The following MYPN variants were observed in gnomAD, a reference collection of about 807,000 sequenced individuals.
MYPN encodes the protein myopalladin.
In MYPN, 63 loss-of-function variants were observed where a neutral mutation model predicts 129.4. The observed-to-expected ratio is 0.49, with a 90% confidence interval of 0.40 to 0.60. The LOEUF (loss-of-function observed/expected upper bound fraction) is 0.60. Ranked by LOEUF, MYPN falls within the 20% of genes least tolerant of loss-of-function variation. The probability of loss-of-function intolerance (pLI) is 0.00; values close to 1 mark genes in which losing one functional copy is unlikely to be tolerated. For synonymous variants in MYPN, 629 were observed against 600.9 expected (o/e 1.05, Z -0.68); for missense variants, 1,596 against 1,635.4 (o/e 0.98, Z 0.42).
intron 12 of MYPN, 74 bp from the exon 13 acceptor site, chr10:68,188,831 G>A: frequency 8.1e-7 from 1 of 1,237,032 alleles, no homozygotes; most frequent in Non-Finnish European, 1.2e-6. Flanking sequence ...TTAAAAAGTG[G>A]CTTCCTCAAT....
At chr10:68,143,232 C>A in intron 3 of MYPN, 117 bp downstream of exon 3, 1 of 968,086 alleles carries the variant, frequency 1.0e-6, no homozygotes, top group Non-Finnish European at 1.6e-6. Context: ...GAGGATACAG[C>A]AGTGAACCGA....
intron 6 of MYPN, among the ~76,000 whole-genome samples, chr10:68,153,954 G>A (rs1247110158): frequency 1.3e-5 from 2 of 151,718 alleles, no homozygotes; most frequent in Admixed American, 6.6e-5. Flanking sequence ...CGCTTAGCGA[G>A]CAGAGTTTTA....
intron 12 of MYPN, among the ~76,000 whole-genome samples, chr10:68,188,221 T>C (rs905827909): frequency 2.6e-5 from 4 of 152,176 alleles, no homozygotes; most frequent in African/African-American, 9.7e-5. Context: ...GCAATTCTCA[T>C]ACCTCAGCCA....
intron 10 of MYPN, among the ~76,000 whole-genome samples, chr10:68,172,295 C>A (rs1183592531): frequency 3.3e-5 from 5 of 152,106 alleles, no homozygotes; most frequent in African/African-American, 1.2e-4. Flanking sequence ...GTTGGGGCTA[C>A]AGTGAGCCGT....
intron 2 of MYPN, among the ~76,000 whole-genome samples, chr10:68,138,818 C>T (rs547971439): frequency 3.9e-5 from 6 of 152,236 alleles, no homozygotes; most frequent in African/African-American, 1.4e-4. Flanking sequence ...AACTGCTTAC[C>T]TTCCAGTTAC....
At chr10:68,111,032 A>G (rs1348742244) in intron 1 of MYPN, among the ~76,000 whole-genome samples, 4 of 152,172 alleles carry the variant, frequency 2.6e-5, no homozygotes, top group Admixed American at 6.5e-5. Context: ...ATGTGTTAAA[A>G]CCCCAGTCTT....
At chr10:68,156,203 T>C (rs2042870795) in intron 6 of MYPN, among the ~76,000 whole-genome samples, 1 of 152,198 alleles carries the variant, frequency 6.6e-6, no homozygotes, top group Admixed American at 6.5e-5. Context: ...TTTGGCTTTC[T>C]AATTGGTTTG....
At chr10:68,114,907 G>A (rs1001591202) in intron 1 of MYPN, among the ~76,000 whole-genome samples, 1 of 151,912 alleles carries the variant, frequency 6.6e-6, no homozygotes, top group Non-Finnish European at 1.5e-5. Flanking sequence ...TATTTTGAAA[G>A]TGGGAAAAAA....
chr10:68,197,469 G>A lies in MYPN; in HGVS notation c.3276G>A (p.Leu1092=), dbSNP rs2043628988. The A allele has an allele frequency of 1.2e-6, 2 of 1,613,550 alleles. No individual in the cohort carries two copies. Among genetic ancestry groups the A allele is most frequent in the African/African-American group, 1.3e-5 (1 of 74,854 alleles). The change falls in exon 16 of 20, where the codon CTG becomes CTA. Residue 1092 remains leucine (L), a synonymous_variant. Transcript: ENST00000358913. ...CTCATGAGGGGCGCCTCTGTCGGCT[G>A]GACTGTAAGGTAGACTCCAGCACCC... ...MVAHEGRLCR[L]DCKVSGLPPP...
rs758319728 is a variant in MYPN at position 68,211,931 on chromosome 10, G to C, written c.*1476G>C. The stretch of plus-strand genomic sequence containing the variant: ...AGCTGGCATTGTATTTGTGTGAACA[G>C]ACAGTAACTGCTTAGAAAGGCTTGA... On this transcript the variant is annotated 3_prime_UTR_variant, in exon 20 of 20. Transcript: ENST00000358913. The C allele has an allele frequency of 7.6e-6, 3 of 395,992 alleles. No homozygotes were observed. Among genetic ancestry groups the C allele is most frequent in the South Asian group, 5.4e-5 (3 of 55,640 alleles). The allele number at this position is 395,992 out of a possible 1,614,324, so 24.5% of individuals were successfully genotyped here. A position where few individuals can be genotyped will look rare whatever the true frequency, so the allele number is the denominator to read the frequency against.
At chr10:68,193,797 G>GTGCA (rs2043555587) in intron 13 of MYPN, among the ~76,000 whole-genome samples, 1 of 127,604 alleles carries the variant, frequency 7.8e-6, no homozygotes, top group South Asian at 2.7e-4. Flanking sequence ...ATGTGTATGT[G>GTGCA]CACACACACA....
intron 5 of MYPN, 53 bp from the exon 6 acceptor site, chr10:68,149,987 T>G: frequency 6.7e-7 from 1 of 1,486,056 alleles, no homozygotes; most frequent in Non-Finnish European, 9.4e-7. Flanking sequence ...TGTCTCACTA[T>G]CCATCTAATA....
At position 68,188,888 on chromosome 10, in the gene MYPN, G is replaced by C. The variant is rs367814057; in HGVS notation, c.2704-17G>C. ...CCTTGCCATATGGAAATTGAAACACGTTTGTCATTTTGACAGGAGTACAAA... is the reference window on the plus strand; with the variant it reads ...CCTTGCCATATGGAAATTGAAACACCTTTGTCATTTTGACAGGAGTACAAA... On this transcript the variant is annotated splice_polypyrimidine_tract_variant and intron_variant, in intron 12 of 19. Transcript: ENST00000358913. 18 of 1,608,360 alleles carry C rather than the reference G, an allele frequency of 1.1e-5. No individual in the cohort carries two copies. The East Asian group carries it at 1.6e-4, about 14-fold the overall frequency.
chr10:68,173,664 A>T (rs7088768), intron 10 of MYPN, among the ~76,000 whole-genome samples: 61,243 of 150,494 alleles, frequency 0.41, 14,006 homozygotes, highest in Non-Finnish European at 0.52. Flanking sequence ...TGAGGTGGCA[A>T]GATCAGGACT....
chr10:68,205,063 C>T (rs79896396), intron 18 of MYPN, among the ~76,000 whole-genome samples: 236 of 152,278 alleles, frequency 1.5e-3, no homozygotes, highest in African/African-American at 5.4e-3. Context: ...TTTTCCCACC[C>T]TTGAATTGGC....
intron 13 of MYPN, among the ~76,000 whole-genome samples, chr10:68,193,149 G>T (rs2043543524): frequency 6.6e-6 from 1 of 150,418 alleles, no homozygotes; most frequent in Non-Finnish European, 1.5e-5. Context: ...TTTTATGTAG[G>T]TATTTATTGC....
upstream of MYPN, among the ~76,000 whole-genome samples, chr10:68,102,658 G>T (rs563785350): frequency 3.3e-4 from 50 of 152,128 alleles, no homozygotes; most frequent in African/African-American, 8.9e-4. Flanking sequence ...AAATCGAATG[G>T]CAGTCTGGGT....
rs876489 is a variant in MYPN at position 68,211,138 on chromosome 10, G to C, written c.*683G>C. 0.33 allele frequency: 151,389 copies of C among 453,808 alleles called. 26,972 individuals carry two copies. Among genetic ancestry groups the C allele is most frequent in the East Asian group, 0.66 (9,505 of 14,362 alleles). 28.1% of individuals were successfully genotyped at this position (453,808 alleles called of 1,614,324 possible). ...TTGTGGCCAAAGCATGGCCTTACCA[G>C]CTTGTCTGCACTATTTTCTTTTGGG... is the stretch of plus-strand genomic sequence containing the variant. On this transcript the variant is annotated 3_prime_UTR_variant, in exon 20 of 20. Transcript: ENST00000358913.
intron 12 of MYPN, among the ~76,000 whole-genome samples, chr10:68,182,465 CATAT>C (rs372702266): frequency 3.4e-5 from 3 of 89,390 alleles, no homozygotes; most frequent in African/African-American, 8.8e-5. Context: ...ATATATATAA[CATAT>C]ATACACACAC....
Sources: allele counts gnomAD v4.1 joint callset (sites outside exome capture counted in the v4.1 genomes callset), GRCh38; gene constraint gnomAD v4.1.1; transcripts MANE v1.5; gene names NCBI Gene and HGNC (gene_info 2026-07-23, HGNC 2026-07-21).